TACC3: variants seen among roughly 807,000 people sequenced by gnomAD.
The protein encoded by TACC3 is transforming acidic coiled-coil-containing protein 3.
Under a neutral mutation model 86.0 loss-of-function variants are expected in TACC3, and 52 were observed. The observed-to-expected ratio is 0.60, with a 90% CI of 0.48 to 0.76. TACC3 has a LOEUF of 0.76. Among genes scored for constraint, TACC3 ranks in the 30% least tolerant of loss-of-function variants. TACC3 has a pLI of 0.00. For synonymous variants in TACC3, 512 were observed against 430.0 expected (o/e 1.19, Z -2.36); for missense variants, 1,120 against 1,070.4 (o/e 1.05, Z -0.65).
chr4:1,743,227 G>C (rs1321710489), intron 13 of TACC3, among the ~76,000 whole-genome samples: 1 of 132,980 alleles, frequency 7.5e-6, no homozygotes, highest in Non-Finnish European at 1.5e-5. Flanking sequence ...TCACACTATG[G>C]CCTGGCGATA....
At position 1,735,407 on chromosome 4, in the gene TACC3, C is replaced by G; in HGVS notation, c.1644+82C>G. 6.5e-7 allele frequency: 1 copy of G among 1,529,636 alleles called. No homozygotes were observed. Among genetic ancestry groups the G allele is most frequent in the Non-Finnish European group, 9.0e-7 (1 of 1,105,674 alleles). 94.8% of individuals were successfully genotyped at this position (1,529,636 alleles called of 1,614,324 possible). A position where few individuals can be genotyped will look rare whatever the true frequency, so the allele number is the denominator to read the frequency against. Reference sequence around the variant, plus strand: ...GGCAGGTCTTGCCCCCGGAGCGTCCCTTGGTGCCCACGTCCCCCCAGCTGC... The same window carrying G: ...GGCAGGTCTTGCCCCCGGAGCGTCCGTTGGTGCCCACGTCCCCCCAGCTGC... On this transcript the variant is annotated intron_variant, in intron 7 of 15. Coordinates refer to ENST00000313288, the MANE Select transcript of TACC3 (RefSeq NM_006342.3). This position sits in a 1 kb window ranked among gnomAD's most constrained non-coding sequence, Gnocchi z 4.2.
chr4:1,723,705 C>T (rs368314126), intron 2 of TACC3, 23 bp from the exon 3 acceptor site: 55 of 1,613,428 alleles, frequency 3.4e-5, no homozygotes, highest in Non-Finnish European at 4.7e-5. Context: ...TGAATAGGTG[C>T]TCTCCTCCTC....
chr4:1,732,347 AAGATTGGAGGCTGCAGTTGAATACGG>A (rs1718044842), intron 6 of TACC3, among the ~76,000 whole-genome samples: 1 of 148,656 alleles, frequency 6.7e-6, no homozygotes, highest in African/African-American at 2.5e-5. Flanking sequence ...GTTTGTCCGT[AAGATTGGAGGCTGCAGTTGAATACGG>A]TTTGTCCGTA....
At chr4:1,721,214 G>T (rs1190771711), upstream of TACC3, 1 of 171,542 alleles carries the variant, frequency 5.8e-6, no homozygotes, top group Non-Finnish European at 1.2e-5. Flanking sequence ...GCACAGGTGG[G>T]GAAACTTAGG....
At chr4:1,740,805 G>GT (rs553892776) in intron 12 of TACC3, 21 bp from the exon 13 acceptor site, 18 of 1,600,514 alleles carry the variant, frequency 1.1e-5, no homozygotes, top group Admixed American at 5.3e-5. Context: ...CATCCTGAAC[G>GT]TTTGCTTTTC....
Position 1,731,260 on chromosome 4 carries a change from C to A in TACC3, c.1550C>A (p.Ala517Asp). The change falls in exon 6 of 16, where the codon GCC becomes GAC. Residue 517 changes from alanine (A) to aspartate (D), a missense_variant. Transcript: ENST00000313288. ...CCCACCCATCAGCAGGGGCAGCCTG[C>A]CTTGGAGCTGAAAGAGGAGAGCTTC... Reference protein sequence around the residue: ...PVPTHQQGQPALELKEESFRD... With the variant: ...PVPTHQQGQPDLELKEESFRD... 1 of 1,613,350 alleles carries A rather than the reference C, an allele frequency of 6.2e-7. No individual in the cohort carries two copies. The highest frequency in any genetic ancestry group is 8.5e-7 in the Non-Finnish European group (1 of 1,180,014).
intron 10 of TACC3, among the ~76,000 whole-genome samples, chr4:1,739,074 C>T (rs981064344): frequency 1.1e-4 from 17 of 152,036 alleles, no homozygotes; most frequent in African/African-American, 3.1e-4. Context: ...TTTGGGAGGC[C>T]GAGGTGGGCG....
At chr4:1,728,808 G>C (rs988625695) in intron 4 of TACC3, 21 bp downstream of exon 4, 67 of 1,580,750 alleles carry the variant, frequency 4.2e-5, no homozygotes, top group Non-Finnish European at 5.4e-5. Flanking sequence ...GGATGGGATG[G>C]GGAGCGTGGC....
intron 12 of TACC3, chr4:1,740,624 G>T: frequency 1.8e-6 from 1 of 546,410 alleles, no homozygotes; most frequent in East Asian, 3.2e-5. Flanking sequence ...CGGATCTGAT[G>T]TGGAGGAAAC....
chr4:1,728,133 C>T lies in TACC3; in HGVS notation c.731C>T (p.Pro244Leu), dbSNP rs1188873228. 1 of 1,611,860 alleles carries T rather than the reference C, an allele frequency of 6.2e-7. No individual in the cohort carries two copies. The highest frequency in any genetic ancestry group is 1.1e-5 in the South Asian group (1 of 90,984). The change falls in exon 4 of 16, where the codon CCC becomes CTC. Residue 244 changes from proline to leucine, a missense_variant. Coordinates refer to ENST00000313288, the MANE Select transcript of TACC3 (RefSeq NM_006342.3). ...TGCCGGCACGGTGGGGTCTGTGCTC[C>T]CGCAGCAGTGGCCACTTCGCCTCCT... ...EECRHGGVCA[P>L]AAVATSPPGA...
At chr4:1,739,842 C>CCACCTGG in intron 11 of TACC3, 64 bp downstream of exon 11, 1 of 1,547,428 alleles carries the variant, frequency 6.5e-7, no homozygotes, top group South Asian at 1.1e-5. Flanking sequence ...GTCCCCATCC[C>CCACCTGG]CCTCGCCATC....
chr4:1,721,329 G>A (rs1322541712), upstream of TACC3: 1 of 148,416 alleles, frequency 6.7e-6, no homozygotes, highest in African/African-American at 2.4e-5. Context: ...CAGACACCCT[G>A]GCGTGCCCTC....
Position 1,735,214 on chromosome 4 carries a change from C to A in TACC3, c.1592-59C>A, listed in dbSNP as rs971366124. The A allele has an allele frequency of 1.5e-5, 24 of 1,606,738 alleles. No individual in the cohort carries two copies. In the African/African-American group the frequency reaches 2.9e-4, roughly 20 times the overall value. On this transcript the variant is annotated intron_variant, in intron 6 of 15. Transcript: ENST00000313288. The surrounding 1 kb of genome is among the most constrained non-coding windows in gnomAD (Gnocchi z 4.2). ...ACTGAGTGCTGAGGGAGACACCAGC[C>A]CGCCGCCCTTAGGGCCCTGGTGAGG... is the stretch of plus-strand genomic sequence containing the variant.
intron 3 of TACC3, among the ~76,000 whole-genome samples, chr4:1,725,911 G>C (rs1717664535): frequency 6.6e-6 from 1 of 152,276 alleles, no homozygotes; most frequent in Non-Finnish European, 1.5e-5. Flanking sequence ...CTGGGCAGCA[G>C]AGGAGTTGTG....
chr4:1,737,307 C>T lies in TACC3; in HGVS notation c.1815C>T (p.Phe605=). The change falls in exon 9 of 16, where the codon TTC becomes TTT. Residue 605 remains phenylalanine, a synonymous_variant. Coordinates refer to ENST00000313288, the MANE Select transcript of TACC3 (RefSeq NM_006342.3). The part of the protein sequence containing the change: ...PREAKLVEFD[F]LGALDIPVPG... ...AAGCCAAGCTTGTGGAGTTCGATTTCTTGGGAGCACTGGACATTCCTGTAA... is the reference window on the plus strand; with the variant it reads ...AAGCCAAGCTTGTGGAGTTCGATTTTTTGGGAGCACTGGACATTCCTGTAA... The T allele has an allele frequency of 6.2e-7, 1 of 1,614,100 alleles. No individual in the cohort carries two copies. The highest frequency in any genetic ancestry group is 8.5e-7 in the Non-Finnish European group (1 of 1,180,002).
At chr4:1,730,810 G>T in intron 4 of TACC3, 77 bp from the exon 5 acceptor site, 2 of 1,471,140 alleles carry the variant, frequency 1.4e-6, no homozygotes, top group Non-Finnish European at 1.9e-6. Context: ...AAAGGCGATG[G>T]CAGCTCAGTG....
rs1451568682 is a variant in TACC3, at chr4:1,735,427, A to G, written c.1644+102A>G. On this transcript the variant is annotated intron_variant, in intron 7 of 15. Transcript: ENST00000313288. This position sits in a 1 kb window ranked among gnomAD's most constrained non-coding sequence, Gnocchi z 4.2. ...CGTCCCTTGGTGCCCACGTCCCCCC[A>G]GCTGCACACAGGCCCAGGCATTGTG... 1 of 1,320,574 alleles carries G rather than the reference A, an allele frequency of 7.6e-7. No homozygotes were observed. Among genetic ancestry groups the G allele is most frequent in the Non-Finnish European group, 1.1e-6 (1 of 922,428 alleles). The allele number at this position is 1,320,574 out of a possible 1,614,324, so 81.8% of individuals were successfully genotyped here.
rs1387599616 is a variant in TACC3, at chr4:1,723,815, C to G, written c.250C>G (p.Gln84Glu). 3 of 1,613,720 alleles carry G rather than the reference C, an allele frequency of 1.9e-6. No homozygotes were observed. Among genetic ancestry groups the G allele is most frequent in the Admixed American group, 3.3e-5 (2 of 60,028 alleles). Residue 84 changes from glutamine to glutamate, a missense_variant, in exon 3 of 16, where the codon CAG becomes GAG. By Grantham distance (29) the Gln-to-Glu change is conservative. Transcript: ENST00000313288. ...MASKLEAPFTQDDTLGLENSH... is the reference protein window; with the variant it reads ...MASKLEAPFTEDDTLGLENSH... Reference sequence around the variant, plus strand: ...CAGCAAACTTGAGGCTCCTTTCACTCAGGATGACACCCTTGGACTGGAAAA... The same window carrying G: ...CAGCAAACTTGAGGCTCCTTTCACTGAGGATGACACCCTTGGACTGGAAAA...
chr4:1,728,219 C>G lies in TACC3; in HGVS notation c.817C>G (p.Leu273Val), dbSNP rs747714090. 2 of 1,612,136 alleles carry G rather than the reference C, an allele frequency of 1.2e-6. No individual in the cohort carries two copies. Among genetic ancestry groups the G allele is most frequent in the Non-Finnish European group, 1.7e-6 (2 of 1,179,742 alleles). Residue 273 changes from leucine to valine, a missense_variant, in exon 4 of 16, where the codon CTG becomes GTG. Physicochemically the swap from Leu to Val is conservative, Grantham distance 32 (BLOSUM62 1). Transcript: ENST00000313288. ...CCTGCAGGGTCTGCCTGGCGAAGCC[C>G]TGGGCTGCCCTGCGGGTGTGGGCAC... Reference protein sequence around the residue: ...APLQGLPGEALGCPAGVGTPV... With the variant: ...APLQGLPGEAVGCPAGVGTPV...
Sources: allele counts gnomAD v4.1 joint callset (sites outside exome capture counted in the v4.1 genomes callset), GRCh38; gene constraint gnomAD v4.1.1; non-coding constraint Gnocchi (gnomAD v3.1); transcripts MANE v1.5; gene names NCBI Gene and HGNC (gene_info 2026-07-23, HGNC 2026-07-21).